The following TBPL1 variants were observed in gnomAD, a reference collection of about 807,000 sequenced individuals.
The protein encoded by TBPL1 is TATA box-binding protein-like 1.
TBPL1 carries 4 observed loss-of-function variants against 22.1 expected under a neutral mutation model. The ratio of observed to expected loss-of-function variants is 0.18; its 90% confidence interval spans 0.09 to 0.41. The LOEUF is 0.41. TBPL1 is among the 10% of genes least tolerant of loss of function. TBPL1 has a pLI of 1.00. For missense variants in TBPL1, 115 were observed against 222.3 expected (o/e 0.52, Z 3.07); for synonymous variants, 64 against 71.0 (o/e 0.90, Z 0.50).
intron 4 of TBPL1, among the ~76,000 whole-genome samples, chr6:133,983,834 G>C (rs1031521765): frequency 3.9e-5 from 6 of 152,210 alleles, no homozygotes; most frequent in Non-Finnish European, 8.8e-5. Context: ...AACATTAGAA[G>C]TGTTGAGAGA....
Position 133,984,352 on chromosome 6 carries a change from T to G in TBPL1, c.283-24T>G, listed in dbSNP as rs775074370. The G allele has an allele frequency of 4.6e-6, 7 of 1,535,872 alleles. No homozygotes were observed. In the South Asian group the frequency reaches 8.3e-5, roughly 18 times the overall value. Reference sequence around the variant, plus strand: ...GTTTGTTTGTTTCAAAATAAATTTATTGAATTTTACTTCTCTCCTAAAGGT... The same window carrying G: ...GTTTGTTTGTTTCAAAATAAATTTAGTGAATTTTACTTCTCTCCTAAAGGT... On this transcript the variant is annotated intron_variant, in intron 4 of 6. Transcript: ENST00000237264.
At chr6:133,958,919 T>C (rs1775971373) in intron 1 of TBPL1, among the ~76,000 whole-genome samples, 2 of 152,190 alleles carry the variant, frequency 1.3e-5, no homozygotes, top group African/African-American at 4.8e-5. Context: ...GCAAATATGC[T>C]TGTATTTAGA....
intron 1 of TBPL1, among the ~76,000 whole-genome samples, chr6:133,978,322 C>T (rs1001860964): frequency 1.3e-5 from 2 of 152,176 alleles, no homozygotes; most frequent in African/African-American, 4.8e-5. Flanking sequence ...ACTTTTCATA[C>T]ATTATATAAT....
At chr6:133,961,747 A>G (rs1776029025) in intron 1 of TBPL1, among the ~76,000 whole-genome samples, 1 of 152,114 alleles carries the variant, frequency 6.6e-6, no homozygotes, top group South Asian at 2.1e-4. Context: ...TACAGGTGTG[A>G]CCCACCGCAC....
intron 6 of TBPL1, among the ~76,000 whole-genome samples, chr6:133,986,418 A>G (rs963625586): frequency 2.0e-5 from 3 of 152,078 alleles, no homozygotes; most frequent in African/African-American, 7.2e-5. Flanking sequence ...TTTGTTTTCT[A>G]TTGACTTGTA....
chr6:133,961,154 T>A (rs1001025780), intron 1 of TBPL1, among the ~76,000 whole-genome samples: 1 of 152,196 alleles, frequency 6.6e-6, no homozygotes, highest in East Asian at 1.9e-4. Context: ...GTGAAAGATA[T>A]CTACTGTTTA....
chr6:133,987,075 C>T lies in TBPL1; in HGVS notation c.*35C>T, dbSNP rs1214672026. The T allele has an allele frequency of 6.6e-7, 1 of 1,504,652 alleles. No individual in the cohort carries two copies. The highest frequency in any genetic ancestry group is 9.2e-7 in the Non-Finnish European group (1 of 1,089,554). The allele number at this position is 1,504,652 out of a possible 1,614,324, so 93.2% of individuals were successfully genotyped here. A position where few individuals can be genotyped will look rare whatever the true frequency, so the allele number is the denominator to read the frequency against. The stretch of plus-strand genomic sequence containing the variant: ...TAATTGGTTAGAATCTCTAACTGAG[C>T]ACCTTTTAAACCTGCTGCACATTGG... On this transcript the variant is annotated 3_prime_UTR_variant, in exon 7 of 7. Coordinates refer to ENST00000237264, the MANE Select transcript of TBPL1 (RefSeq NM_004865.4).
In TBPL1 at chr6:133,987,295, C is replaced by T. The variant is rs548176054; in HGVS notation, c.*255C>T. On this transcript the variant is annotated 3_prime_UTR_variant, in exon 7 of 7. Transcript: ENST00000237264. Reference sequence around the variant, plus strand: ...TATTTTCGCAGTAATTCTCATGTCCCCATAAGCAGAGCTGTCACAGTGTGC... The same window carrying T: ...TATTTTCGCAGTAATTCTCATGTCCTCATAAGCAGAGCTGTCACAGTGTGC... The T allele has an allele frequency of 3.7e-6, 1 of 268,334 alleles. No homozygotes were observed. Among genetic ancestry groups the T allele is most frequent in the Non-Finnish European group, 7.1e-6 (1 of 141,618 alleles). The allele number at this position is 268,334 out of a possible 1,614,324, so 16.6% of individuals were successfully genotyped here.
intron 1 of TBPL1, among the ~76,000 whole-genome samples, chr6:133,958,167 C>CTATTGAAA (rs1775958900): frequency 6.6e-6 from 1 of 152,202 alleles, no homozygotes; most frequent in South Asian, 2.1e-4. Context: ...CATGTTGCAG[C>CTATTGAAA]TATTGAAATA....
Position 133,978,684 on chromosome 6 carries a change from A to G in TBPL1, c.-44-1398A>G, listed in dbSNP as rs148915260. Reference sequence around the variant, plus strand: ...AAAAATATAATGAAGTTGAGGTACAATTGATACACAGAATTGAATGCCATA... The same window carrying G: ...AAAAATATAATGAAGTTGAGGTACAGTTGATACACAGAATTGAATGCCATA... On this transcript the variant is annotated intron_variant, in intron 1 of 6. Transcript: ENST00000237264. Among the ~76,000 whole-genome samples, 775 of 152,316 alleles carry G rather than the reference A, an allele frequency of 5.1e-3. 4 individuals carry two copies. Among genetic ancestry groups the G allele is most frequent in the Non-Finnish European group, 7.9e-3 (535 of 68,020 alleles).
intron 1 of TBPL1, among the ~76,000 whole-genome samples, chr6:133,979,232 C>G (rs1352634508): frequency 6.6e-6 from 1 of 152,010 alleles, no homozygotes; most frequent in Non-Finnish European, 1.5e-5. Flanking sequence ...TATAGGTGTT[C>G]AGAAAGAAAA....
chr6:133,965,615 T>A (rs2114340423), intron 1 of TBPL1, among the ~76,000 whole-genome samples: 1 of 152,098 alleles, frequency 6.6e-6, no homozygotes, highest in African/African-American at 2.4e-5. Flanking sequence ...TTGTGGGTTT[T>A]TTTTTTTAAT....
intron 1 of TBPL1, among the ~76,000 whole-genome samples, chr6:133,959,830 G>A (rs192950728): frequency 2.2e-4 from 34 of 152,316 alleles, no homozygotes; most frequent in Admixed American, 1.5e-3. Context: ...AGATGTTGCT[G>A]TCTTTCAGAT....
chr6:133,978,912 T>C (rs1397538971), intron 1 of TBPL1, among the ~76,000 whole-genome samples: 1 of 152,250 alleles, frequency 6.6e-6, no homozygotes, highest in Non-Finnish European at 1.5e-5. Context: ...AACTATAGTA[T>C]GTTTTTATCA....
rs1373664960 is a variant in TBPL1, at chr6:133,990,255, CTG to C, written c.*3218_*3219del. 1 of 152,614 alleles carries C rather than the reference CTG, an allele frequency of 6.6e-6. No homozygotes were observed. Among genetic ancestry groups the C allele is most frequent in the African/African-American group, 2.4e-5 (1 of 41,436 alleles). 9.5% of individuals were successfully genotyped at this position (152,614 alleles called of 1,614,324 possible). A position where few individuals can be genotyped will look rare whatever the true frequency, so the allele number is the denominator to read the frequency against. ...CCTGAGGAGTGTGAAGAATTGGACA[CTG>C]TGGATTACTATACATTGTCATGAAA... is the stretch of plus-strand genomic sequence containing the variant. On this transcript the variant is annotated 3_prime_UTR_variant, in exon 7 of 7. Coordinates refer to ENST00000237264, the MANE Select transcript of TBPL1 (RefSeq NM_004865.4).
chr6:133,968,987 A>G (rs959545179), intron 1 of TBPL1: 2 of 152,136 alleles, frequency 1.3e-5, no homozygotes, highest in African/African-American at 4.8e-5. Flanking sequence ...TACTTTATAG[A>G]TATATTTTAG....
At chr6:133,966,319 G>A (rs1776118977) in intron 1 of TBPL1, among the ~76,000 whole-genome samples, 3 of 152,260 alleles carry the variant, frequency 2.0e-5, no homozygotes, top group South Asian at 4.1e-4. Flanking sequence ...TTTTACCATA[G>A]TTTGTAGTGT....
intron 1 of TBPL1, among the ~76,000 whole-genome samples, chr6:133,974,274 T>A (rs1027366736): frequency 1.3e-5 from 2 of 152,230 alleles, no homozygotes; most frequent in African/African-American, 2.4e-5. Context: ...TCATTGGATG[T>A]GCAGGTTGTT....
At chr6:133,969,983 C>T (rs1472162625) in intron 1 of TBPL1, among the ~76,000 whole-genome samples, 1 of 152,184 alleles carries the variant, frequency 6.6e-6, no homozygotes, top group East Asian at 1.9e-4. Flanking sequence ...AACCATCAGT[C>T]TAGTCTCATC....
Sources: gnomAD v4.1 joint callset for allele counts (sites outside exome capture counted in the v4.1 genomes callset) on GRCh38, gnomAD v4.1.1 for gene constraint, MANE v1.5 for transcripts, NCBI Gene and HGNC (gene_info 2026-07-23, HGNC 2026-07-21) for gene names.